Variants in DUOX1 observed in about 807,000 individuals in gnomAD.
DUOX1 encodes dual oxidase 1, also known as NADPH thyroid oxidase 1.
Under a neutral mutation model 181.8 loss-of-function variants are expected in DUOX1, and 134 were observed. The ratio of observed to expected loss-of-function variants is 0.74; its 90% confidence interval spans 0.64 to 0.85. DUOX1 has a LOEUF of 0.85. DUOX1 is among the 40% of genes least tolerant of loss of function. DUOX1 has a pLI of 0.00. For missense variants in DUOX1, 1,814 were observed against 2,064.4 expected, an observed-to-expected ratio of 0.88 and a Z score of 2.35; for synonymous variants, 798 against 832.5, an observed-to-expected ratio of 0.96 and a Z score of 0.71.
At chr15:45,144,257 G>A (rs1400078124) in intron 17 of DUOX1, 22 bp downstream of exon 17, 1 of 1,612,926 alleles carries the variant, frequency 6.2e-7, no homozygotes, top group Non-Finnish European at 8.5e-7. Context: ...CTGGCATCTG[G>A]CTCCTTGTCC....
intron 27 of DUOX1, among the ~76,000 whole-genome samples, chr15:45,155,152 CG>C (rs1896939976): frequency 6.6e-6 from 1 of 152,258 alleles, no homozygotes; most frequent in African/African-American, 2.4e-5. Context: ...ATAGGGCCCA[CG>C]GTGTGCCAGG....
Position 45,164,967 on chromosome 15 carries a change from G to A in DUOX1, c.*66G>A. 1 of 1,561,166 alleles carries A rather than the reference G, an allele frequency of 6.4e-7. No individual in the cohort carries two copies. ...AGGTTTGAGCCCACACCTCACCTCT[G>A]TTCTTCCTATTTCTGGCTGCCTCAG... On this transcript the variant is annotated 3_prime_UTR_variant, in exon 34 of 34. Transcript: ENST00000389037.
At chr15:45,158,560 G>A (rs1897018288) in intron 28 of DUOX1, among the ~76,000 whole-genome samples, 1 of 151,756 alleles carries the variant, frequency 6.6e-6, no homozygotes, top group Admixed American at 6.6e-5. Context: ...AAATTAGCCG[G>A]GAGTGGTGGC....
chr15:45,148,082 G>A (rs1238424625), intron 20 of DUOX1, 85 bp downstream of exon 20: 5 of 1,435,534 alleles, frequency 3.5e-6, no homozygotes, highest in African/African-American at 1.4e-5. Flanking sequence ...AGAGCAGAAG[G>A]GCCAAGGAAG....
At chr15:45,154,595 G>GTTTTTT (rs1193223968) in intron 27 of DUOX1, among the ~76,000 whole-genome samples, 64 of 139,922 alleles carry the variant, frequency 4.6e-4, no homozygotes, top group African/African-American at 1.6e-3. Context: ...ACACAGCATG[G>GTTTTTT]TTTTTTTTTT....
At chr15:45,141,511 T>C in intron 14 of DUOX1, 101 bp downstream of exon 14, 1 of 1,299,980 alleles carries the variant, frequency 7.7e-7, no homozygotes, top group African/African-American at 1.5e-5. Flanking sequence ...ATCTCTGTGC[T>C]CCAAGAGGGG....
chr15:45,141,796 G>A (rs1482455438), intron 14 of DUOX1, 179 bp from the exon 15 acceptor site: 1 of 626,106 alleles, frequency 1.6e-6, no homozygotes, highest in East Asian at 2.7e-5. Context: ...ACTTCTGTGT[G>A]TGAGGGAGAG....
At chr15:45,141,751 CGTGTGTGTGT>C (rs5812287) in intron 14 of DUOX1, among the ~76,000 whole-genome samples, 11 of 148,586 alleles carry the variant, frequency 7.4e-5, no homozygotes, top group Admixed American at 2.0e-4. Context: ...GTGAGGGAAG[CGTGTGTGTGT>C]GTGTGTGTGT....
At chr15:45,150,253 A>G (rs1896765995) in intron 21 of DUOX1, 1 of 218,346 alleles carries the variant, frequency 4.6e-6, no homozygotes, top group African/African-American at 2.3e-5. Flanking sequence ...TACCACCTAG[A>G]TTCTACATTT....
At position 45,142,127 on chromosome 15, in the gene DUOX1, A is replaced by C. The variant is rs1290580762; in HGVS notation, c.1822+15A>C. ...CTTCCCTTTGGGTAAAATCATGGAC[A>C]GAGTGGGGTGGGGTGAGAGATGCAA... On this transcript the variant is annotated intron_variant, in intron 15 of 33. Transcript: ENST00000389037. The C allele has an allele frequency of 6.2e-7, 1 of 1,610,172 alleles. No individual in the cohort carries two copies. The highest frequency in any genetic ancestry group is 1.3e-5 in the African/African-American group (1 of 74,866).
chr15:45,164,976 A>G lies in DUOX1; in HGVS notation c.*75A>G. On this transcript the variant is annotated 3_prime_UTR_variant, in exon 34 of 34. Transcript: ENST00000389037. ...CCCACACCTCACCTCTGTTCTTCCT[A>G]TTTCTGGCTGCCTCAGCCTTCTCTG... 6.5e-7 allele frequency: 1 copy of G among 1,527,996 alleles called. No individual in the cohort carries two copies. The highest frequency in any genetic ancestry group is 1.4e-5 in the African/African-American group (1 of 72,766). 94.7% of individuals were successfully genotyped at this position (1,527,996 alleles called of 1,614,324 possible).
rs758469587 is a variant in DUOX1 at position 45,139,129 on chromosome 15, G to A, written c.1177G>A (p.Ala393Thr). ...GCTGCTGGGCATGGCCTCCCAGATC[G>A]CAGAGCGAGAGGACCATGTGTTGGT... is the stretch of plus-strand genomic sequence containing the variant. ...ALLLGMASQIAEREDHVLVED... is the reference protein window; with the variant it reads ...ALLLGMASQITEREDHVLVED... Residue 393 changes from alanine (A) to threonine (T), a missense_variant, in exon 11 of 34, where the codon GCA (alanine) becomes ACA (threonine). Around this residue, in one of 5 missense-constraint regions of DUOX1, gnomAD observed 1,064 missense variants for 1,152.9 expected, o/e 0.92. Coordinates refer to ENST00000389037, the MANE Select transcript of DUOX1 (RefSeq NM_175940.3). 1.4e-5 allele frequency: 22 copies of A among 1,614,166 alleles called. No homozygotes were observed. Among genetic ancestry groups the A allele is most frequent in the Middle Eastern group, 1.6e-4 (1 of 6,062 alleles).
chr15:45,163,297 C>A (rs975213612), intron 31 of DUOX1, among the ~76,000 whole-genome samples: 1 of 152,194 alleles, frequency 6.6e-6, no homozygotes, highest in African/African-American at 2.4e-5. Context: ...TCCCAATCAC[C>A]AAGGGATCTT....
intron 12 of DUOX1, chr15:45,139,954 C>A: frequency 1.3e-6 from 1 of 760,562 alleles, no homozygotes; most frequent in Non-Finnish European, 2.2e-6. Flanking sequence ...ATGTTTAAGC[C>A]ACCTTTCAGG....
chr15:45,162,040 AG>A, intron 30 of DUOX1, 70 bp downstream of exon 30: 1 of 1,495,398 alleles, frequency 6.7e-7, no homozygotes, highest in Non-Finnish European at 9.1e-7. Context: ...CGGCAGCACT[AG>A]ACTCCCCGCT....
chr15:45,135,422 C>A, intron 5 of DUOX1, 52 bp from the exon 6 acceptor site: 1 of 1,530,834 alleles, frequency 6.5e-7, no homozygotes, highest in Non-Finnish European at 8.8e-7. Context: ...CCCGGCCTTC[C>A]CTAGCTCGCC....
intron 16 of DUOX1, among the ~76,000 whole-genome samples, chr15:45,143,678 T>C (rs918552544): frequency 6.6e-6 from 1 of 151,978 alleles, no homozygotes; most frequent in African/African-American, 2.4e-5. Context: ...ACCACCACTA[T>C]GGGCTATTGG....
At chr15:45,131,686 G>A in intron 1 of DUOX1, 2 of 469,168 alleles carry the variant, frequency 4.3e-6, no homozygotes, top group South Asian at 4.4e-5. Flanking sequence ...ATTTCTGTTT[G>A]TTTTGTTCGT....
intron 21 of DUOX1, chr15:45,150,247 A>G (rs1896765818): frequency 4.7e-6 from 1 of 215,030 alleles, no homozygotes; most frequent in East Asian, 1.2e-4. Flanking sequence ...TATACCTACC[A>G]CCTAGATTCT....
Sources: gnomAD v4.1 joint callset for allele counts (sites outside exome capture counted in the v4.1 genomes callset) on GRCh38, gnomAD v4.1.1 for gene constraint, gnomAD v4.1.1 regional missense constraint, MANE v1.5 for transcripts, NCBI Gene and HGNC (gene_info 2026-07-23, HGNC 2026-07-21) for gene names.